ALG9: variants seen among roughly 807,000 people sequenced by gnomAD.
ALG9 encodes the protein alpha-1,2-mannosyltransferase ALG9.
In ALG9, 55 loss-of-function variants were observed where a neutral mutation model predicts 81.8. The observed-to-expected ratio is 0.67, with a 90% CI of 0.54 to 0.84. The LOEUF (loss-of-function observed/expected upper bound fraction) is 0.84, where lower values mean the gene tolerates loss of function less well. Among genes scored for constraint, ALG9 ranks in the 40% least tolerant of loss-of-function variants. ALG9 has a pLI of 0.00. For synonymous variants in ALG9, 278 were observed against 274.3 expected (o/e 1.01, Z -0.13); for missense variants, 629 against 745.0 (o/e 0.84, Z 1.81).
chr11:111,820,236 C>T (rs1204825333), intron 13 of ALG9, among the ~76,000 whole-genome samples: 1 of 152,158 alleles, frequency 6.6e-6, no homozygotes, highest in Non-Finnish European at 1.5e-5. Flanking sequence ...CTGTCTTAGT[C>T]CAATCTGTGT....
At chr11:111,822,139 G>T (rs559979129) in intron 13 of ALG9, among the ~76,000 whole-genome samples, 1 of 152,288 alleles carries the variant, frequency 6.6e-6, no homozygotes, top group African/African-American at 2.4e-5. Flanking sequence ...GGGCCCAGTG[G>T]CTCAAACCTG....
chr11:111,839,377 A>C (rs935347859), intron 10 of ALG9, among the ~76,000 whole-genome samples: 4 of 152,058 alleles, frequency 2.6e-5, no homozygotes, highest in Admixed American at 6.6e-5. Flanking sequence ...CAAGGTCATG[A>C]GATCGAGACC....
chr11:111,799,983 A>AC, intron 14 of ALG9, among the ~76,000 whole-genome samples: 1 of 152,014 alleles, frequency 6.6e-6, no homozygotes, highest in Non-Finnish European at 1.5e-5. Context: ...CAGCTCAAGC[A>AC]CCCCCTCCTT....
At chr11:111,817,806 T>A (rs2136527725) in intron 13 of ALG9, among the ~76,000 whole-genome samples, 1 of 151,562 alleles carries the variant, frequency 6.6e-6, no homozygotes, top group East Asian at 1.9e-4. Flanking sequence ...GAGACAGATT[T>A]TGCTCTGTCG....
At chr11:111,825,611 G>T (rs1336319771) in intron 13 of ALG9, among the ~76,000 whole-genome samples, 1 of 152,192 alleles carries the variant, frequency 6.6e-6, no homozygotes, top group Non-Finnish European at 1.5e-5. Flanking sequence ...ATGTGAGGCT[G>T]AAGTACGAAG....
At chr11:111,852,765 G>A (rs541673543) in intron 8 of ALG9, among the ~76,000 whole-genome samples, 1 of 151,990 alleles carries the variant, frequency 6.6e-6, no homozygotes, top group South Asian at 2.1e-4. Context: ...GAGAAACCCC[G>A]TCTCTACTAA....
rs537423841 is a variant in ALG9, at chr11:111,821,728, C to T, written c.1603-11955G>A. On this transcript the variant is annotated intron_variant, in intron 13 of 14. Transcript: ENST00000616540. ...TCGGCTCACTGCAAGCTCCACCTCC[C>T]GGGTTCACGCCATTCTCCTGCCTCA... Among the ~76,000 whole-genome samples, 16 of 152,118 alleles carry T rather than the reference C, an allele frequency of 1.1e-4. No individual in the cohort carries two copies. The South Asian group carries it at 1.7e-3, about 16-fold the overall frequency.
intron 11 of ALG9, 105 bp downstream of exon 11, chr11:111,838,144 G>T: frequency 7.5e-7 from 1 of 1,337,800 alleles, no homozygotes; most frequent in Non-Finnish European, 1.1e-6. Context: ...TTTTAGAAAT[G>T]GCTTCTTAGT....
intron 14 of ALG9, among the ~76,000 whole-genome samples, chr11:111,803,823 A>C (rs1429256064): frequency 6.6e-6 from 1 of 152,156 alleles, no homozygotes; most frequent in Non-Finnish European, 1.5e-5. Flanking sequence ...AACAGGCCAC[A>C]GACCTAAATG....
intron 13 of ALG9, among the ~76,000 whole-genome samples, chr11:111,834,497 T>C (rs2136778061): frequency 6.6e-6 from 1 of 152,312 alleles, no homozygotes; most frequent in South Asian, 2.1e-4. Context: ...AGAGATATAA[T>C]ATCAAATATC....
intron 14 of ALG9, among the ~76,000 whole-genome samples, chr11:111,791,415 T>G (rs1292703410): frequency 8.5e-5 from 13 of 152,334 alleles, no homozygotes; most frequent in Non-Finnish European, 1.5e-4. Context: ...GCACATCATT[T>G]CATTTTATTC....
At chr11:111,821,091 G>A (rs1254706604) in intron 13 of ALG9, among the ~76,000 whole-genome samples, 1 of 152,132 alleles carries the variant, frequency 6.6e-6, no homozygotes, top group Admixed American at 6.5e-5. Context: ...GCGAGACCTT[G>A]TCTCTAAAAA....
At chr11:111,798,165 T>G (rs535465578) in intron 14 of ALG9, 3 of 281,888 alleles carry the variant, frequency 1.1e-5, no homozygotes, top group Non-Finnish European at 2.1e-5. Context: ...ATTGTGTCAC[T>G]GCACTCTAGC....
At chr11:111,853,278 G>A (rs1555140385) in intron 8 of ALG9, 102 bp downstream of exon 8, 1 of 816,436 alleles carries the variant, frequency 1.2e-6, no homozygotes, top group Non-Finnish European at 2.1e-6. Context: ...TATCAGCCAA[G>A]AAATGCTACA....
chr11:111,812,167 AAT>A (rs1950814173), intron 13 of ALG9, among the ~76,000 whole-genome samples: 1 of 152,212 alleles, frequency 6.6e-6, no homozygotes, highest in African/African-American at 2.4e-5. Context: ...TGATAAATTA[AAT>A]ATAATGTCAA....
the ALG9 span, among the ~76,000 whole-genome samples, chr11:111,774,266 C>A: frequency 5.8e-4 from 88 of 152,074 alleles, 1 homozygote; most frequent in South Asian, 0.015. Flanking sequence ...ATCCCAGCTA[C>A]TTGGGAGGCT....
At position 111,784,099 on chromosome 11, in the gene ALG9, A is replaced by T. The variant is rs1420280076; in HGVS notation, c.*2298T>A. 2.0e-5 allele frequency: 3 copies of T among 152,256 alleles called. No individual in the cohort carries two copies. Among genetic ancestry groups the T allele is most frequent in the African/African-American group, 4.8e-5 (2 of 41,464 alleles). The allele number at this position is 152,256 out of a possible 1,614,324, so 9.4% of individuals were successfully genotyped here. A position where few individuals can be genotyped will look rare whatever the true frequency, so the allele number is the denominator to read the frequency against. On this transcript the variant is annotated 3_prime_UTR_variant, in exon 15 of 15. Transcript: ENST00000616540. ...AGCACATTATTACTGCAAGTAAGGC[A>T]AATGTTTCACTTAAAATTCTCTGTC...
At chr11:111,806,809 T>C (rs1348550484) in intron 14 of ALG9, among the ~76,000 whole-genome samples, 2 of 152,176 alleles carry the variant, frequency 1.3e-5, no homozygotes, top group Non-Finnish European at 2.9e-5. Context: ...GTTTGACTGA[T>C]ATCAAACTTA....
At chr11:111,862,915 C>G (rs1960854940) in intron 4 of ALG9, among the ~76,000 whole-genome samples, 1 of 151,960 alleles carries the variant, frequency 6.6e-6, no homozygotes, top group Non-Finnish European at 1.5e-5. Flanking sequence ...TGATTCTCAC[C>G]CATAATGTTT....
Sources: gnomAD v4.1 joint callset for allele counts (sites outside exome capture counted in the v4.1 genomes callset) on GRCh38, gnomAD v4.1.1 for gene constraint, MANE v1.5 for transcripts, NCBI Gene and HGNC (gene_info 2026-07-23, HGNC 2026-07-21) for gene names.